Variants in GNB1 observed in about 807,000 individuals in gnomAD.
GNB1 encodes G protein subunit beta 1.
Under a neutral mutation model 42.9 loss-of-function variants are expected in GNB1, and 2 were observed. That is an observed-to-expected ratio of 0.05 (90% CI 0.02 to 0.15). The LOEUF is 0.15. Among genes scored for constraint, GNB1 ranks in the 10% least tolerant of loss-of-function variants. The pLI, the probability that GNB1 is intolerant of heterozygous loss-of-function variation, is 1.00. For missense variants in GNB1, 193 were observed against 462.2 expected (o/e 0.42, Z 5.34); for synonymous variants, 183 against 174.7 (o/e 1.05, Z -0.38).
At chr1:1,843,634 A>T (rs901411547) in intron 1 of GNB1, among the ~76,000 whole-genome samples, 2 of 152,138 alleles carry the variant, frequency 1.3e-5, no homozygotes, top group Non-Finnish European at 2.9e-5. Flanking sequence ...TCACATGGAG[A>T]GTTGTCTGGA....
intron 2 of GNB1, among the ~76,000 whole-genome samples, chr1:1,838,837 G>A (rs1434294805): frequency 1.3e-5 from 2 of 152,156 alleles, no homozygotes; most frequent in African/African-American, 4.8e-5. Flanking sequence ...TGATTCAGAA[G>A]GTAAATCCTC....
chr1:1,795,709 C>A (rs1298369457), intron 7 of GNB1, among the ~76,000 whole-genome samples: 1 of 151,980 alleles, frequency 6.6e-6, no homozygotes, highest in African/African-American at 2.4e-5. Context: ...GCCGAGTTCA[C>A]AGCGGTGCAC....
At chr1:1,866,827 G>A (rs1220751527) in intron 1 of GNB1, among the ~76,000 whole-genome samples, 2 of 152,010 alleles carry the variant, frequency 1.3e-5, no homozygotes, top group Non-Finnish European at 2.9e-5. Context: ...GTTGGCAGGC[G>A]CCTGTAGTCC....
At chr1:1,832,177 TGCA>T (rs1193436638) in intron 2 of GNB1, 1 of 152,204 alleles carries the variant, frequency 6.6e-6, no homozygotes, top group African/African-American at 2.4e-5. Flanking sequence ...GTAATATTGA[TGCA>T]GCTTCCTTTG....
intron 2 of GNB1, among the ~76,000 whole-genome samples, chr1:1,831,092 G>A (rs1445520141): frequency 6.6e-6 from 1 of 152,224 alleles, no homozygotes; most frequent in Non-Finnish European, 1.5e-5. Context: ...TTGAACCTGG[G>A]AGGCGGAGGC....
intron 5 of GNB1, among the ~76,000 whole-genome samples, chr1:1,808,480 T>C (rs1254649145): frequency 6.6e-6 from 1 of 152,096 alleles, no homozygotes; most frequent in Non-Finnish European, 1.5e-5. Flanking sequence ...CAGTTGCTTA[T>C]GAGAGGTCCT....
intron 1 of GNB1, among the ~76,000 whole-genome samples, chr1:1,839,466 C>T (rs1162563975): frequency 1.3e-5 from 2 of 152,086 alleles, no homozygotes; most frequent in Non-Finnish European, 2.9e-5. Flanking sequence ...CTTAGAAATG[C>T]CCCAGGGAAA....
At chr1:1,862,549 C>A (rs888206525) in intron 1 of GNB1, among the ~76,000 whole-genome samples, 2 of 151,774 alleles carry the variant, frequency 1.3e-5, no homozygotes, top group Non-Finnish European at 2.9e-5. Context: ...GCAGACTTGA[C>A]CTCCTGGGCT....
At chr1:1,890,672 C>G (rs1433404831) in intron 1 of GNB1, 148 bp downstream of exon 1, 2 of 148,006 alleles carry the variant, frequency 1.4e-5, no homozygotes, top group Non-Finnish European at 3.0e-5. Context: ...GCCCCCGGCC[C>G]CCCCTTCGGA....
chr1:1,805,456 C>T (rs562242648), intron 6 of GNB1, among the ~76,000 whole-genome samples: 16 of 152,098 alleles, frequency 1.1e-4, no homozygotes, highest in South Asian at 2.1e-4. Context: ...AGCAATGCTC[C>T]GTCTCAAAAA....
At chr1:1,846,162 C>T (rs1647653824) in intron 1 of GNB1, among the ~76,000 whole-genome samples, 1 of 151,396 alleles carries the variant, frequency 6.6e-6, no homozygotes, top group East Asian at 1.9e-4. Flanking sequence ...ATGGAATATA[C>T]CTTACTGGAT....
intron 2 of GNB1, among the ~76,000 whole-genome samples, chr1:1,838,680 G>A (rs1483796001): frequency 6.6e-6 from 1 of 151,264 alleles, no homozygotes; most frequent in Admixed American, 6.6e-5. Context: ...TCCTGACCTC[G>A]TGATCCACCC....
chr1:1,813,118 T>C (rs2100821527), intron 5 of GNB1, among the ~76,000 whole-genome samples: 1 of 152,216 alleles, frequency 6.6e-6, no homozygotes, highest in Middle Eastern at 3.4e-3. Context: ...CTTTTGACAA[T>C]AAATTCTAAC....
chr1:1,868,296 C>T (rs1649054538), intron 1 of GNB1, among the ~76,000 whole-genome samples: 1 of 152,198 alleles, frequency 6.6e-6, no homozygotes, highest in African/African-American at 2.4e-5. Context: ...CTGCCTCAGC[C>T]TCCCGCGTAG....
chr1:1,827,669 C>T (rs1288980722), intron 2 of GNB1, among the ~76,000 whole-genome samples: 1 of 152,180 alleles, frequency 6.6e-6, no homozygotes, highest in Non-Finnish European at 1.5e-5. Context: ...GTCTGGATGC[C>T]TTGTGCTTTG....
chr1:1,840,266 T>G (rs1570697104), intron 1 of GNB1, among the ~76,000 whole-genome samples: 1 of 149,712 alleles, frequency 6.7e-6, no homozygotes. Context: ...CCGTGGCTCC[T>G]GCCTGTAATC....
At chr1:1,847,883 C>CA (rs1647756948) in intron 1 of GNB1, among the ~76,000 whole-genome samples, 2 of 152,180 alleles carry the variant, frequency 1.3e-5, no homozygotes, top group Admixed American at 6.5e-5. Flanking sequence ...CACACCTTGA[C>CA]AGATGTCAGT....
intron 1 of GNB1, among the ~76,000 whole-genome samples, chr1:1,854,222 T>C (rs1195486094): frequency 6.6e-6 from 1 of 152,160 alleles, no homozygotes; most frequent in Non-Finnish European, 1.5e-5. Context: ...AGGTCTCTCT[T>C]AGAAGGTGGC....
At chr1:1,838,454 T>A (rs1345853485) in intron 2 of GNB1, among the ~76,000 whole-genome samples, 2 of 151,336 alleles carry the variant, frequency 1.3e-5, no homozygotes, top group Non-Finnish European at 3.0e-5. Flanking sequence ...CTTTTCTTTT[T>A]TTTTTTTTGA....
Sources: allele counts gnomAD v4.1 joint callset (sites outside exome capture counted in the v4.1 genomes callset), GRCh38; gene constraint gnomAD v4.1.1; transcripts MANE v1.5; gene names NCBI Gene and HGNC (gene_info 2026-07-23, HGNC 2026-07-21).